Variants in GSDMA observed in about 807,000 individuals in gnomAD.
The protein encoded by GSDMA is gasdermin A, also known as gasdermin-A.
GSDMA carries 55 observed loss-of-function variants against 54.3 expected under a neutral mutation model. That is an observed-to-expected ratio of 1.01 (90% CI 0.82 to 1.27). GSDMA has a LOEUF of 1.27. Ranked by LOEUF, GSDMA falls within the 50% of genes most tolerant of loss-of-function variation. The pLI is 0.00. For missense variants in GSDMA, 542 were observed against 542.6 expected, an observed-to-expected ratio of 1.00 and a Z score of 0.01; for synonymous variants, 211 against 224.7, an observed-to-expected ratio of 0.94 and a Z score of 0.54.
intron 11 of GSDMA, 79 bp from the exon 12 acceptor site, chr17:39,976,737 C>T (rs776241412): frequency 1.3e-6 from 2 of 1,568,900 alleles, no homozygotes; most frequent in African/African-American, 1.4e-5. Flanking sequence ...GGGAATGTAA[C>T]CTTCTTGTGA....
chr17:39,972,165 TC>T lies in GSDMA; in HGVS notation c.695del (p.Pro232LeufsTer29). The stretch of plus-strand genomic sequence containing the variant: ...ATCTGCAATGATAACATGCAAACCT[TC>T]CCTCCTGGAGGTAAGTGAAATTGCT... The part of the protein sequence containing the change: ...PHICNDNMQT[F>X]PPGEKSGEEK... On this transcript the variant is annotated frameshift_variant, in exon 6 of 12. Coordinates refer to ENST00000301659, the MANE Select transcript of GSDMA (RefSeq NM_178171.5). LOFTEE classifies it high-confidence loss of function. The T allele has an allele frequency of 7.4e-7, 1 of 1,360,442 alleles. No individual in the cohort carries two copies. The highest frequency in any genetic ancestry group is 9.8e-7 in the Non-Finnish European group (1 of 1,019,440). 84.3% of individuals were successfully genotyped at this position (1,360,442 alleles called of 1,614,324 possible).
chr17:39,970,862 C>T (rs2144791418), intron 4 of GSDMA, among the ~76,000 whole-genome samples: 1 of 152,288 alleles, frequency 6.6e-6, no homozygotes, highest in Admixed American at 6.5e-5. Flanking sequence ...CCAGTGAGGG[C>T]AGATCCCTGC....
chr17:39,973,552 G>A (rs79954665), intron 7 of GSDMA, among the ~76,000 whole-genome samples: 1,824 of 143,086 alleles, frequency 0.013, 39 homozygotes, highest in African/African-American at 0.044. Flanking sequence ...GTGAGCCACT[G>A]AGCCTGGCCT....
At position 39,970,607 on chromosome 17, in the gene GSDMA, C is replaced by T; in HGVS notation, c.518C>T (p.Ala173Val). 1 of 1,584,726 alleles carries T rather than the reference C, an allele frequency of 6.3e-7. No individual in the cohort carries two copies. The highest frequency in any genetic ancestry group is 8.6e-7 in the Non-Finnish European group (1 of 1,165,866). The change falls in exon 4 of 12, where the codon GCC (alanine) becomes GTC (valine). Residue 173 changes from alanine to valine, a missense_variant. By Grantham distance (64) the Ala-to-Val change is moderately conservative. Transcript: ENST00000301659. Reference protein sequence around the residue: ...VTLERAGKAEACFSLPFFAPL... With the variant: ...VTLERAGKAEVCFSLPFFAPL... The stretch of plus-strand genomic sequence containing the variant: ...CTGGAGCGAGCCGGCAAGGCAGAGG[C>T]CTGCTTCTCCCTCCCCTTCTTCGCC...
intron 3 of GSDMA, among the ~76,000 whole-genome samples, chr17:39,968,692 C>T (rs1046014647): frequency 2.0e-5 from 3 of 152,132 alleles, no homozygotes; most frequent in African/African-American, 7.2e-5. Context: ...ACTGAGGACC[C>T]GAGCTGGGGA....
chr17:39,965,695 T>A lies in GSDMA; in HGVS notation c.8T>A (p.Met3Lys). The change falls in exon 2 of 12, where the codon ATG (methionine) becomes AAG (lysine). Residue 3 changes from methionine (M) to lysine (K), a missense_variant. Physicochemically the swap from Met to Lys is moderately conservative, Grantham distance 95 (BLOSUM62 -1). Coordinates refer to ENST00000301659, the MANE Select transcript of GSDMA (RefSeq NM_178171.5). Reference protein sequence around the residue: MTMFENVTRALAR... With the variant: MTKFENVTRALAR... ...CCCACCTCCACAGAGACAATGACCA[T>A]GTTTGAAAATGTCACCCGGGCCCTG... 4 of 1,604,322 alleles carry A rather than the reference T, an allele frequency of 2.5e-6. No homozygotes were observed. The highest frequency in any genetic ancestry group is 1.7e-6 in the Non-Finnish European group (2 of 1,175,610).
At position 39,977,080 on chromosome 17, in the gene GSDMA, A is replaced by G. The variant is rs1291200075; in HGVS notation, c.*22A>G. 1.9e-6 allele frequency: 3 copies of G among 1,613,070 alleles called. No individual in the cohort carries two copies. Among genetic ancestry groups the G allele is most frequent in the African/African-American group, 1.3e-5 (1 of 74,932 alleles). ...CTAATTTGCCTTTTACGTCTGCTTC[A>G]TGACTCCCTAATGCCTTCCCAACCT... On this transcript the variant is annotated 3_prime_UTR_variant, in exon 12 of 12. Transcript: ENST00000301659.
chr17:39,966,259 G>C lies in GSDMA; in HGVS notation c.215-1G>C. The C allele has an allele frequency of 6.2e-7, 1 of 1,613,882 alleles. No homozygotes were observed. Among genetic ancestry groups the C allele is most frequent in the Non-Finnish European group, 8.5e-7 (1 of 1,179,878 alleles). ...CCCCTTTTGTCTTTTCCCTCCTGCA[G>C]ACCCAACAGACACTGGGAATTTTGG... On this transcript the variant is annotated splice_acceptor_variant, in intron 2 of 11. Transcript: ENST00000301659. LOFTEE classifies it high-confidence loss of function.
In GSDMA at chr17:39,965,874, G is replaced by A. The variant is rs1339575965; in HGVS notation, c.187G>A (p.Val63Met). ...CCGCACCGACTACACGCTGCTGGAT[G>A]TGCTTGAGCCCGGCAGCTCACCTTC... ...YVRTDYTLLDVLEPGSSPSDP... is the reference protein window; with the variant it reads ...YVRTDYTLLDMLEPGSSPSDP... The change falls in exon 2 of 12, where the codon GTG (valine) becomes ATG (methionine). Residue 63 changes from valine to methionine, a missense_variant. Transcript: ENST00000301659. 1.3e-6 allele frequency: 2 copies of A among 1,557,634 alleles called. No individual in the cohort carries two copies. The highest frequency in any genetic ancestry group is 1.9e-5 in the Admixed American group (1 of 51,396).
rs375766795 is a variant in GSDMA at position 39,974,324 on chromosome 17, C to G, written c.803C>G (p.Thr268Ser). ...CTAAAAGAAGAAGTTCAGAGAGAGACCCAACAAGTGGAGAAGCTGAGCCGA... is the reference window on the plus strand; with the variant it reads ...CTAAAAGAAGAAGTTCAGAGAGAGAGCCAACAAGTGGAGAAGCTGAGCCGA... ...RTLKEEVQRE[T>S]QQVEKLSRVG... The change falls in exon 9 of 12, where the codon ACC becomes AGC. Residue 268 changes from threonine to serine, a missense_variant. Physicochemically the swap from Thr to Ser is moderately conservative, Grantham distance 58. Coordinates refer to ENST00000301659, the MANE Select transcript of GSDMA (RefSeq NM_178171.5). 27 of 1,610,744 alleles carry G rather than the reference C, an allele frequency of 1.7e-5. No homozygotes were observed. Among genetic ancestry groups the G allele is most frequent in the Non-Finnish European group, 2.1e-5 (25 of 1,178,532 alleles).
intron 1 of GSDMA, 81 bp from the exon 2 acceptor site, chr17:39,965,602 G>A: frequency 9.9e-7 from 1 of 1,009,860 alleles, no homozygotes; most frequent in Non-Finnish European, 1.5e-6. Flanking sequence ...AACTCTCTCT[G>A]CAGGGGCCCA....
At chr17:39,966,113 G>A in intron 2 of GSDMA, 147 bp from the exon 3 acceptor site, 1 of 877,564 alleles carries the variant, frequency 1.1e-6, no homozygotes, top group South Asian at 1.5e-5. Context: ...TTTTTGTAGA[G>A]ATGGGTTCTT....
intron 3 of GSDMA, among the ~76,000 whole-genome samples, chr17:39,966,653 C>T (rs1979684927): frequency 6.6e-6 from 1 of 152,188 alleles, no homozygotes; most frequent in Non-Finnish European, 1.5e-5. Flanking sequence ...TCTCCAGGAC[C>T]ACCTCCCCAC....
intron 3 of GSDMA, among the ~76,000 whole-genome samples, chr17:39,968,158 G>A (rs1379782908): frequency 2.0e-5 from 3 of 151,736 alleles, no homozygotes; most frequent in Non-Finnish European, 4.4e-5. Flanking sequence ...GTTAAGTAGT[G>A]GTTGAAAGAA....
rs58338887 is a variant in GSDMA at position 39,970,658 on chromosome 17, AAC to A, written c.558+36_558+37del. The stretch of plus-strand genomic sequence containing the variant: ...CCATTGGGGCTACAGGTTTGATTCA[AAC>A]ACACACACACACACACACACACACT... On this transcript the variant is annotated intron_variant, in intron 4 of 11. Coordinates refer to ENST00000301659, the MANE Select transcript of GSDMA (RefSeq NM_178171.5). The A allele has an allele frequency of 6.7e-3, 8,925 of 1,340,454 alleles. 2 individuals are homozygous for A. Among genetic ancestry groups the A allele is most frequent in the South Asian group, 9.6e-3 (583 of 60,694 alleles). The allele number at this position is 1,340,454 out of a possible 1,614,324, so 83.0% of individuals were successfully genotyped here. A position where few individuals can be genotyped will look rare whatever the true frequency, so the allele number is the denominator to read the frequency against.
chr17:39,969,038 C>G (rs1273861518), intron 3 of GSDMA, among the ~76,000 whole-genome samples: 1 of 152,044 alleles, frequency 6.6e-6, no homozygotes, highest in East Asian at 1.9e-4. Flanking sequence ...AAGATACACA[C>G]AAGGTAATCA....
At chr17:39,971,476 ATACTTAAGATGTCC>A (rs1979934362) in intron 4 of GSDMA, 34 bp from the exon 5 acceptor site, 1 of 1,470,918 alleles carries the variant, frequency 6.8e-7, no homozygotes, top group Admixed American at 1.7e-5. Flanking sequence ...CCAATATCTC[ATACTTAAGATGTCC>A]AGAGATTCAC....
Position 39,975,435 on chromosome 17 carries a change from C to T in GSDMA, c.1021+421C>T, listed in dbSNP as rs916055987. Among the ~76,000 whole-genome samples, 3 of 123,448 alleles carry T rather than the reference C, an allele frequency of 2.4e-5. 1 individual carries two copies. The Middle Eastern group carries it at 0.012, about 490-fold the overall frequency. 81.0% of individuals were successfully genotyped at this position (123,448 alleles called of 152,430 possible). On this transcript the variant is annotated intron_variant, in intron 10 of 11. Coordinates refer to ENST00000301659, the MANE Select transcript of GSDMA (RefSeq NM_178171.5). ...TTGCACTCCAGCCTGGGCAACAGAG[C>T]GAGACTCCATCAAAAAAAAAAAAAA...
chr17:39,974,974 G>A lies in GSDMA; in HGVS notation c.981G>A (p.Glu327=), dbSNP rs1980136995. ...ALPKDVLLSK[E]AVGAILYFVG... is the part of the protein sequence containing the mutation. The stretch of plus-strand genomic sequence containing the variant: ...CAAAAGATGTCCTGCTATCAAAGGA[G>A]GCCGTGGGCGCCATCCTCTATTTCG... Residue 327 remains glutamate (E), a synonymous_variant, in exon 10 of 12, where the codon GAG becomes GAA. Transcript: ENST00000301659. 1 of 1,613,104 alleles carries A rather than the reference G, an allele frequency of 6.2e-7. No individual in the cohort carries two copies. The highest frequency in any genetic ancestry group is 1.7e-5 in the Admixed American group (1 of 59,920).
Sources: gnomAD v4.1 joint callset for allele counts (sites outside exome capture counted in the v4.1 genomes callset) on GRCh38, gnomAD v4.1.1 for gene constraint, MANE v1.5 for transcripts, NCBI Gene and HGNC (gene_info 2026-07-23, HGNC 2026-07-21) for gene names.